PRKCE: variants seen among roughly 807,000 people sequenced by gnomAD.
PRKCE encodes protein kinase C epsilon type.
PRKCE carries 16 observed loss-of-function variants against 85.4 expected under a neutral mutation model. That is an observed-to-expected ratio of 0.19 (90% CI 0.13 to 0.28). PRKCE has a LOEUF of 0.28. Ranked by LOEUF, PRKCE falls within the 10% of genes least tolerant of loss-of-function variation. The probability of loss-of-function intolerance (pLI) is 1.00; values close to 1 mark genes in which losing one functional copy is unlikely to be tolerated. For missense variants in PRKCE, 573 were observed against 975.2 expected, an observed-to-expected ratio of 0.59 and a Z score of 5.49; for synonymous variants, 388 against 371.5, an observed-to-expected ratio of 1.04 and a Z score of -0.51.
intron 2 of PRKCE, among the ~76,000 whole-genome samples, chr2:45,925,913 C>T (rs759769822): frequency 5.3e-5 from 8 of 152,202 alleles, no homozygotes; most frequent in Non-Finnish European, 1.2e-4. Flanking sequence ...CATTCCTGGC[C>T]CAGGCCAGGG....
At chr2:45,740,163 A>G (rs1280998655) in intron 1 of PRKCE, among the ~76,000 whole-genome samples, 1 of 150,648 alleles carries the variant, frequency 6.6e-6, no homozygotes, top group South Asian at 2.1e-4. Context: ...AAAAAAAAGG[A>G]CTTATTCACT....
intron 11 of PRKCE, among the ~76,000 whole-genome samples, chr2:46,095,922 A>T (rs1010309670): frequency 5.9e-5 from 9 of 152,260 alleles, no homozygotes; most frequent in Non-Finnish European, 1.0e-4. Flanking sequence ...CACTTTGCAC[A>T]TGTTACTTAT....
chr2:46,027,391 A>C (rs1707194706), intron 10 of PRKCE, among the ~76,000 whole-genome samples: 1 of 152,130 alleles, frequency 6.6e-6, no homozygotes, highest in Admixed American at 6.5e-5. Context: ...GGAAGTCCAA[A>C]TAGGGACTGA....
intron 10 of PRKCE, among the ~76,000 whole-genome samples, chr2:46,022,661 C>G (rs1023753762): frequency 6.6e-6 from 1 of 152,252 alleles, no homozygotes; most frequent in Non-Finnish European, 1.5e-5. Flanking sequence ...AACACATTTT[C>G]AATGACTAAT....
intron 2 of PRKCE, among the ~76,000 whole-genome samples, chr2:45,870,716 C>T (rs776984517): frequency 2.0e-5 from 3 of 152,182 alleles, no homozygotes; most frequent in Admixed American, 6.5e-5. Flanking sequence ...CAGTTTCTAT[C>T]GGTTACCTTA....
intron 4 of PRKCE, 76 bp downstream of exon 4, chr2:45,979,086 T>A: frequency 1.4e-6 from 2 of 1,397,006 alleles, no homozygotes; most frequent in Non-Finnish European, 2.0e-6. Flanking sequence ...AGGAGGCAGG[T>A]GCTCAGTCTG....
chr2:45,782,083 TA>T (rs1183646960), intron 1 of PRKCE, among the ~76,000 whole-genome samples: 2 of 152,206 alleles, frequency 1.3e-5, no homozygotes, highest in African/African-American at 4.8e-5. Context: ...AAGCTCAAAT[TA>T]AGGGCCAGCC....
intron 2 of PRKCE, among the ~76,000 whole-genome samples, chr2:45,885,017 G>GTTGTTGTTT (rs1695193345): frequency 1.1e-5 from 1 of 87,514 alleles, no homozygotes; most frequent in Non-Finnish European, 2.3e-5. Context: ...TGTTGTTGTT[G>GTTGTTGTTT]TTGTTTTACC....
chr2:46,128,123 A>G (rs576633740), intron 11 of PRKCE, among the ~76,000 whole-genome samples: 1 of 152,202 alleles, frequency 6.6e-6, no homozygotes, highest in African/African-American at 2.4e-5. Flanking sequence ...TATTCCAATG[A>G]TATCCTCTTT....
intron 5 of PRKCE, among the ~76,000 whole-genome samples, chr2:45,983,726 G>A (rs1162789708): frequency 6.6e-6 from 1 of 152,074 alleles, no homozygotes; most frequent in Non-Finnish European, 1.5e-5. Context: ...CTGGTGTGTG[G>A]TCAGGGCTGA....
Position 46,054,267 on chromosome 2 carries a change from G to A in PRKCE, c.1438-31941G>A, listed in dbSNP as rs114159242. 5.1e-3 allele frequency among the ~76,000 whole-genome samples: 779 copies of A among 152,340 alleles called. 9 individuals carry two copies. Among genetic ancestry groups the A allele is most frequent in the African/African-American group, 0.018 (750 of 41,578 alleles). ...TTGTCACTTGCAGCTAGTGAGATGG[G>A]CAGTGTGGCTATGGGAGTGACCTCC... On this transcript the variant is annotated intron_variant, in intron 10 of 14. Transcript: ENST00000306156.
At chr2:45,945,809 C>A (rs927009701) in intron 2 of PRKCE, among the ~76,000 whole-genome samples, 7 of 152,246 alleles carry the variant, frequency 4.6e-5, no homozygotes, top group Non-Finnish European at 1.0e-4. Context: ...CTTTATACAA[C>A]CCCTTGACAG....
At chr2:45,918,344 G>A (rs988610627) in intron 2 of PRKCE, among the ~76,000 whole-genome samples, 6 of 152,222 alleles carry the variant, frequency 3.9e-5, no homozygotes, top group Non-Finnish European at 1.5e-5. Flanking sequence ...GCTTTCTCTT[G>A]TCTAGTCTGT....
rs1160116972 is a variant in PRKCE, at chr2:45,697,724, C to G, written c.348+45276C>G. 6.6e-6 allele frequency among the ~76,000 whole-genome samples: 1 copy of G among 152,202 alleles called. No individual in the cohort carries two copies. Among genetic ancestry groups the G allele is most frequent in the Non-Finnish European group, 1.5e-5 (1 of 68,040 alleles). On this transcript the variant is annotated intron_variant, in intron 1 of 14. Transcript: ENST00000306156. This position sits in a 1 kb window ranked among gnomAD's most constrained non-coding sequence, Gnocchi z 4.2. ...TTTCTGGAAGTTACTTCCTGTTTCA[C>G]AGCCCCTCTCTTACTTTGAGGTTCC...
At chr2:46,117,844 A>G (rs1672931331) in intron 11 of PRKCE, among the ~76,000 whole-genome samples, 1 of 152,176 alleles carries the variant, frequency 6.6e-6, no homozygotes, top group Admixed American at 6.5e-5. Context: ...ATCTTTGTCA[A>G]CTAGTTGCAG....
intron 1 of PRKCE, among the ~76,000 whole-genome samples, chr2:45,820,815 A>C (rs1042538476): frequency 6.6e-6 from 1 of 152,092 alleles, no homozygotes; most frequent in Non-Finnish European, 1.5e-5. Flanking sequence ...TTGAGGCCCC[A>C]AGAGATTGTC....
intron 1 of PRKCE, among the ~76,000 whole-genome samples, chr2:45,747,067 T>G (rs546894036): frequency 6.6e-6 from 1 of 152,362 alleles, no homozygotes; most frequent in African/African-American, 2.4e-5. Context: ...TGCCTCCTTT[T>G]GCGTGCGCTC....
chr2:45,817,926 G>A (rs1448038477), intron 1 of PRKCE, among the ~76,000 whole-genome samples: 1 of 152,184 alleles, frequency 6.6e-6, no homozygotes, highest in African/African-American at 2.4e-5. Flanking sequence ...GCTACAGGCC[G>A]AGTTTCCTCC....
intron 1 of PRKCE, among the ~76,000 whole-genome samples, chr2:45,834,981 A>G (rs1690737236): frequency 6.6e-6 from 1 of 152,190 alleles, no homozygotes; most frequent in Admixed American, 6.5e-5. Context: ...TTATCTTGCT[A>G]TTATTGTATT....
Sources: allele counts gnomAD v4.1 joint callset (sites outside exome capture counted in the v4.1 genomes callset), GRCh38; gene constraint gnomAD v4.1.1; non-coding constraint Gnocchi (gnomAD v3.1); transcripts MANE v1.5; gene names NCBI Gene and HGNC (gene_info 2026-07-23, HGNC 2026-07-21).